KALRN: variants seen among roughly 807,000 people sequenced by gnomAD.
KALRN encodes the protein kalirin.
A neutral mutation model predicts 353.7 loss-of-function variants in KALRN; 70 were observed. That is an observed-to-expected ratio of 0.20 (90% CI 0.16 to 0.24). The LOEUF (loss-of-function observed/expected upper bound fraction) is 0.24. Ranked by LOEUF, KALRN falls within the 10% of genes least tolerant of loss-of-function variation. The pLI, the probability that KALRN is intolerant of heterozygous loss-of-function variation, is 1.00. For missense variants in KALRN, 2,791 were observed against 3,756.7 expected (o/e 0.74, Z 6.72); for synonymous variants, 1,391 against 1,434.8 (o/e 0.97, Z 0.69).
At chr3:124,306,234 C>G (rs2077686293) in intron 6 of KALRN, among the ~76,000 whole-genome samples, 2 of 152,058 alleles carry the variant, frequency 1.3e-5, no homozygotes, top group Non-Finnish European at 2.9e-5. Context: ...GCCACCATGC[C>G]TAGCTAATTT....
In KALRN at chr3:124,365,073, A is replaced by G. The variant is rs2084501008; in HGVS notation, c.1770+17808A>G. ...CAGCATTATATTGCTAATTTGTGCT[A>G]CTGTCACCCTTCATTTCTTTCATGT... On this transcript the variant is annotated intron_variant, in intron 10 of 59. Transcript: ENST00000682506. Among the ~76,000 whole-genome samples, 6 of 152,304 alleles carry G rather than the reference A, an allele frequency of 3.9e-5. No homozygotes were observed. The South Asian group carries it at 1.2e-3, about 32-fold the overall frequency.
At chr3:124,145,132 G>A (rs563845119) in intron 1 of KALRN, among the ~76,000 whole-genome samples, 18 of 152,272 alleles carry the variant, frequency 1.2e-4, no homozygotes, top group Admixed American at 2.0e-4. Context: ...AAGATGCCCA[G>A]CAGCTGGAGG....
intron 23 of KALRN, among the ~76,000 whole-genome samples, chr3:124,460,848 A>G (rs2059788660): frequency 6.6e-6 from 1 of 152,214 alleles, no homozygotes; most frequent in South Asian, 2.1e-4. Flanking sequence ...GTCTAAGCAC[A>G]TTGTATTATT....
intron 10 of KALRN, among the ~76,000 whole-genome samples, chr3:124,381,099 C>T (rs1198294065): frequency 6.6e-6 from 1 of 152,088 alleles, no homozygotes; most frequent in Non-Finnish European, 1.5e-5. Context: ...TGGTATAGAT[C>T]AATCTAGGAG....
In KALRN at chr3:124,446,152, T is replaced by G; in HGVS notation, c.3314-9T>G. 6.2e-7 allele frequency: 1 copy of G among 1,604,036 alleles called. No individual in the cohort carries two copies. The highest frequency in any genetic ancestry group is 8.5e-7 in the Non-Finnish European group (1 of 1,171,436). ...CCTTGTGACCATCATGCATCTCCTC[T>G]GCCCACAGCCATCCTGAGTGAGCTC... On this transcript the variant is annotated splice_polypyrimidine_tract_variant and intron_variant, in intron 19 of 59. Coordinates refer to ENST00000682506, the MANE Select transcript of KALRN (RefSeq NM_001388419.1).
At chr3:124,165,411 A>G (rs1426431251) in intron 1 of KALRN, among the ~76,000 whole-genome samples, 1 of 152,190 alleles carries the variant, frequency 6.6e-6, no homozygotes, top group Non-Finnish European at 1.5e-5. Context: ...CCTGGGTACC[A>G]ATATTTTTAA....
chr3:124,694,518 C>A lies in KALRN; in HGVS notation c.7577+15C>A. 6.2e-7 allele frequency: 1 copy of A among 1,609,260 alleles called. No individual in the cohort carries two copies. The highest frequency in any genetic ancestry group is 1.1e-5 in the South Asian group (1 of 90,770). ...GTCTCCTCTTGGTAAGCCGATTGCCCTAACATCAGCAACAGCAGCCCCTTG... is the reference window on the plus strand; with the variant it reads ...GTCTCCTCTTGGTAAGCCGATTGCCATAACATCAGCAACAGCAGCCCCTTG... On this transcript the variant is annotated intron_variant, in intron 53 of 59. Coordinates refer to ENST00000682506, the MANE Select transcript of KALRN (RefSeq NM_001388419.1).
intron 48 of KALRN, among the ~76,000 whole-genome samples, chr3:124,672,143 T>C (rs1239714335): frequency 6.6e-6 from 1 of 152,236 alleles, no homozygotes; most frequent in Admixed American, 6.5e-5. Flanking sequence ...AGATGGGGTT[T>C]CACCATGTTG....
chr3:124,700,564 T>G (rs2062273088), intron 56 of KALRN, among the ~76,000 whole-genome samples: 2 of 152,206 alleles, frequency 1.3e-5, no homozygotes, highest in Non-Finnish European at 2.9e-5. Flanking sequence ...GATACACATA[T>G]AGCTAGCTAA....
At chr3:124,460,995 CG>C (rs1217469782) in intron 23 of KALRN, among the ~76,000 whole-genome samples, 1 of 152,138 alleles carries the variant, frequency 6.6e-6, no homozygotes, top group African/African-American at 2.4e-5. Flanking sequence ...TCTACACATC[CG>C]TTTATGCTGT....
At chr3:124,107,999 C>G (rs999512337) in intron 1 of KALRN, among the ~76,000 whole-genome samples, 2 of 152,150 alleles carry the variant, frequency 1.3e-5, no homozygotes, top group Admixed American at 6.5e-5. Context: ...GCTTCTCCGC[C>G]CCTCACTCTG....
chr3:124,078,702 G>C (rs1370107827), intron 1 of KALRN, among the ~76,000 whole-genome samples: 1 of 152,128 alleles, frequency 6.6e-6, no homozygotes, highest in East Asian at 1.9e-4. Context: ...CTTGACTCAG[G>C]TACATAGTAA....
chr3:124,286,301 T>A (rs371611030), intron 5 of KALRN, among the ~76,000 whole-genome samples: 1 of 150,504 alleles, frequency 6.6e-6, no homozygotes, highest in Admixed American at 6.7e-5. Context: ...CCCTTCCTCT[T>A]CCCCTTTCCC....
intron 19 of KALRN, among the ~76,000 whole-genome samples, chr3:124,445,012 G>C (rs1316900825): frequency 2.0e-5 from 3 of 152,118 alleles, no homozygotes; most frequent in Non-Finnish European, 4.4e-5. Flanking sequence ...GTAAAGCATA[G>C]AAAGTTGTAC....
chr3:124,215,096 G>T (rs1334436951), intron 1 of KALRN, among the ~76,000 whole-genome samples: 5 of 151,884 alleles, frequency 3.3e-5, no homozygotes, highest in African/African-American at 9.7e-5. Context: ...CCTGCCAACT[G>T]CTGGCAGCTG....
At chr3:124,642,806 G>GTTTTTTTGTTGTTGTAGTTTTTTTTT (rs1553707032) in intron 37 of KALRN, among the ~76,000 whole-genome samples, 1 of 96,840 alleles carries the variant, frequency 1.0e-5, no homozygotes, top group Admixed American at 1.3e-4. Context: ...CCCAAGCCTC[G>GTTTTTTTGTTGTTGTAGTTTTTTTTT]TTTTTTTTTT....
At chr3:124,533,070 G>C (rs1405913856) in intron 33 of KALRN, among the ~76,000 whole-genome samples, 1 of 149,764 alleles carries the variant, frequency 6.7e-6, no homozygotes, top group Non-Finnish European at 1.5e-5. Flanking sequence ...AAGAGACATA[G>C]ATACTGTAAA....
intron 17 of KALRN, among the ~76,000 whole-genome samples, chr3:124,437,771 C>A (rs77713139): frequency 0.048 from 6,927 of 145,410 alleles, 231 homozygotes; most frequent in East Asian, 0.12. Flanking sequence ...CATAGCAGTT[C>A]TTCCCTACTG....
At chr3:124,463,453 G>A (rs1412184870) in intron 25 of KALRN, among the ~76,000 whole-genome samples, 1 of 152,184 alleles carries the variant, frequency 6.6e-6, no homozygotes, top group East Asian at 1.9e-4. Flanking sequence ...GCCACCCTGA[G>A]GCAAGACTCC....
Sources: gnomAD v4.1 joint callset for allele counts (sites outside exome capture counted in the v4.1 genomes callset) on GRCh38, gnomAD v4.1.1 for gene constraint, MANE v1.5 for transcripts, NCBI Gene and HGNC (gene_info 2026-07-23, HGNC 2026-07-21) for gene names.